Variants in PREPL observed in about 807,000 individuals in gnomAD.
The protein encoded by PREPL is prolyl endopeptidase-like.
A neutral mutation model predicts 70.6 loss-of-function variants in PREPL; 77 were observed. The ratio of observed to expected loss-of-function variants is 1.09; its 90% confidence interval spans 0.91 to 1.32. PREPL has a LOEUF of 1.32. Ranked by LOEUF, PREPL falls within the 40% of genes most tolerant of loss-of-function variation. The pLI is 0.00. For synonymous variants in PREPL, 315 were observed against 264.8 expected, an observed-to-expected ratio of 1.19 and a Z score of -1.84; for missense variants, 1,002 against 778.2, an observed-to-expected ratio of 1.29 and a Z score of -3.42.
At chr2:44,346,811 TAAAAGAAGGGA>T (rs1675878681) in intron 1 of PREPL, among the ~76,000 whole-genome samples, 1 of 152,072 alleles carries the variant, frequency 6.6e-6, no homozygotes, top group African/African-American at 2.4e-5. Context: ...AAGTACTTCC[TAAAAGAAGGGA>T]AATATCAAAG....
In PREPL at chr2:44,320,771, G is replaced by C. The variant is rs550953255; in HGVS notation, c.*585C>G. 1.3e-6 allele frequency: 1 copy of C among 747,700 alleles called. No homozygotes were observed. Among genetic ancestry groups the C allele is most frequent in the African/African-American group, 1.8e-5 (1 of 56,894 alleles). 46.3% of individuals were successfully genotyped at this position (747,700 alleles called of 1,614,324 possible). ...ATATTTCTGTAGCTTGAATGTAACT[G>C]CTTTAAGAAAGGTTCTCAAATGTTT... On this transcript the variant is annotated 3_prime_UTR_variant, in exon 14 of 14. Coordinates refer to ENST00000409411, the MANE Select transcript of PREPL (RefSeq NM_001171613.2).
intron 1 of PREPL, 71 bp from the exon 2 acceptor site, chr2:44,346,461 G>T: frequency 7.2e-7 from 1 of 1,398,564 alleles, no homozygotes. Flanking sequence ...TTAAAGATAA[G>T]TAGGTCTATA....
intron 8 of PREPL, among the ~76,000 whole-genome samples, chr2:44,330,134 T>G (rs939287466): frequency 6.6e-6 from 1 of 152,232 alleles, no homozygotes; most frequent in Non-Finnish European, 1.5e-5. Flanking sequence ...TAAAACTTGA[T>G]GTAGATTAAT....
intron 7 of PREPL, among the ~76,000 whole-genome samples, chr2:44,336,886 G>C (rs1034991089): frequency 3.3e-5 from 5 of 152,046 alleles, no homozygotes; most frequent in African/African-American, 1.2e-4. Flanking sequence ...AGTAGCTGGA[G>C]ATTTCAGTTA....
At chr2:44,361,109 C>G (rs1463103936) in intron 1 of PREPL, among the ~76,000 whole-genome samples, 1 of 152,200 alleles carries the variant, frequency 6.6e-6, no homozygotes, top group Non-Finnish European at 1.5e-5. Context: ...TTTATCCATC[C>G]ATCTTTCATC....
chr2:44,340,080 T>A (rs1240302043), intron 5 of PREPL, among the ~76,000 whole-genome samples: 2 of 152,226 alleles, frequency 1.3e-5, no homozygotes, highest in East Asian at 3.9e-4. Context: ...TTACTTCATA[T>A]ATCAATTTTC....
At position 44,339,259 on chromosome 2, in the gene PREPL, C is replaced by T; in HGVS notation, c.590G>A (p.Trp197Ter). Residue 197 changes from tryptophan (W) to a stop codon, truncating the protein, a stop_gained, in exon 6 of 14, where the codon TGG (tryptophan) becomes TAG (stop). Transcript: ENST00000409411. LOFTEE classifies it high-confidence loss of function. ...CTTCTGGATAAGTACTGGTGGGTCC[C>T]AAGGGCTCAGGCCATCTATCAACCA... ...EVWLIDGLSP[W>*]DPPVLIQKRI... The T allele has an allele frequency of 6.2e-7, 1 of 1,614,062 alleles. No homozygotes were observed. Among genetic ancestry groups the T allele is most frequent in the East Asian group, 2.2e-5 (1 of 44,870 alleles).
chr2:44,334,339 G>A (rs1418273717), intron 7 of PREPL, among the ~76,000 whole-genome samples: 4 of 152,078 alleles, frequency 2.6e-5, no homozygotes, highest in African/African-American at 7.3e-5. Context: ...CATACATGCC[G>A]AAAGAAAATT....
At chr2:44,335,199 A>C (rs1028949559) in intron 7 of PREPL, among the ~76,000 whole-genome samples, 1 of 152,218 alleles carries the variant, frequency 6.6e-6, no homozygotes, top group Non-Finnish European at 1.5e-5. Flanking sequence ...TTAAAGACAT[A>C]ATGTTTGTTC....
intron 5 of PREPL, among the ~76,000 whole-genome samples, chr2:44,341,936 C>T (rs1353535254): frequency 6.6e-6 from 1 of 151,878 alleles, no homozygotes; most frequent in Non-Finnish European, 1.5e-5. Context: ...CTATATATTA[C>T]TAAGAATTTA....
At chr2:44,329,810 T>C (rs1364954021) in intron 8 of PREPL, among the ~76,000 whole-genome samples, 1 of 152,210 alleles carries the variant, frequency 6.6e-6, no homozygotes, top group Non-Finnish European at 1.5e-5. Context: ...TCAGTTCCAG[T>C]TGATTGAAAC....
intron 10 of PREPL, among the ~76,000 whole-genome samples, chr2:44,323,707 G>C (rs974552954): frequency 1.3e-5 from 2 of 151,992 alleles, no homozygotes; most frequent in Non-Finnish European, 2.9e-5. Flanking sequence ...TTATATAAAA[G>C]CAATAAATGC....
chr2:44,320,180 T>G lies in PREPL; in HGVS notation c.*1176A>C. 6.3e-7 allele frequency: 1 copy of G among 1,591,012 alleles called. No homozygotes were observed. The highest frequency in any genetic ancestry group is 8.6e-7 in the Non-Finnish European group (1 of 1,160,204). On this transcript the variant is annotated 3_prime_UTR_variant, in exon 14 of 14. Coordinates refer to ENST00000409411, the MANE Select transcript of PREPL (RefSeq NM_001171613.2). ...TCTTAGAATCAAACACTTACGTAAA[T>G]ACTTTTTTAAAAAAATAGGTCCAAA...
chr2:44,327,218 C>T (rs1458879169), intron 9 of PREPL, among the ~76,000 whole-genome samples: 1 of 152,168 alleles, frequency 6.6e-6, no homozygotes, highest in Non-Finnish European at 1.5e-5. Context: ...GCCCATTTAT[C>T]AGGGATTAAG....
chr2:44,342,007 CCTAT>C (rs1472961211), intron 5 of PREPL, among the ~76,000 whole-genome samples: 2 of 152,016 alleles, frequency 1.3e-5, no homozygotes, highest in African/African-American at 4.8e-5. Flanking sequence ...AAGAGAGATA[CCTAT>C]CTAAGTATAT....
At chr2:44,333,148 G>A (rs1047985021) in intron 7 of PREPL, among the ~76,000 whole-genome samples, 3 of 152,108 alleles carry the variant, frequency 2.0e-5, no homozygotes, top group Non-Finnish European at 4.4e-5. Flanking sequence ...GGCTATAAAC[G>A]GGCTCAGCAG....
At position 44,318,373 on chromosome 2, in the gene PREPL, G is replaced by A. The variant is rs1427504390; in HGVS notation, c.*2983C>T. On this transcript the variant is annotated 3_prime_UTR_variant, in exon 14 of 14. Transcript: ENST00000409411. ...CCCAAAGTGCTAGGATTACGGGCCT[G>A]AGCCACCTTGCCTGGCCTGCAAAAT... 5.4e-6 allele frequency: 1 copy of A among 185,856 alleles called. No homozygotes were observed. The highest frequency in any genetic ancestry group is 1.1e-5 in the Non-Finnish European group (1 of 87,104). 11.5% of individuals were successfully genotyped at this position (185,856 alleles called of 1,614,324 possible). A position where few individuals can be genotyped will look rare whatever the true frequency, so the allele number is the denominator to read the frequency against.
intron 9 of PREPL, among the ~76,000 whole-genome samples, chr2:44,328,057 G>A (rs989921515): frequency 4.6e-5 from 7 of 151,166 alleles, no homozygotes; most frequent in African/African-American, 1.7e-4. Context: ...AGGCTGAGGC[G>A]GGCGGATCAC....
intron 7 of PREPL, among the ~76,000 whole-genome samples, chr2:44,337,739 C>T (rs1032327722): frequency 3.9e-5 from 6 of 152,184 alleles, no homozygotes; most frequent in African/African-American, 9.7e-5. Flanking sequence ...CTTGTGAAGG[C>T]AGGTTATCTT....
Sources: allele counts gnomAD v4.1 joint callset (sites outside exome capture counted in the v4.1 genomes callset), GRCh38; gene constraint gnomAD v4.1.1; transcripts MANE v1.5; gene names NCBI Gene and HGNC (gene_info 2026-07-23, HGNC 2026-07-21).